Variants in HSD17B14 observed in about 807,000 individuals in gnomAD.
The protein encoded by HSD17B14 is hydroxysteroid 17-beta dehydrogenase 14.
Under a neutral mutation model 32.2 loss-of-function variants are expected in HSD17B14, and 32 were observed. The observed-to-expected ratio is 0.99, with a 90% confidence interval of 0.75 to 1.33. HSD17B14 has a LOEUF of 1.33. HSD17B14 is among the 40% of genes most tolerant of loss of function. HSD17B14 has a pLI of 0.00. For synonymous variants in HSD17B14, 140 were observed against 155.4 expected, an observed-to-expected ratio of 0.90 and a Z score of 0.74; for missense variants, 370 against 366.5, an observed-to-expected ratio of 1.01 and a Z score of -0.08.
In HSD17B14 at chr19:48,819,114, G is replaced by A. The variant is rs562229799; in HGVS notation, c.370-3973C>T. Among the ~76,000 whole-genome samples, 399 of 152,178 alleles carry A rather than the reference G, an allele frequency of 2.6e-3. 13 individuals carry two copies. The highest frequency in any genetic ancestry group is 7.9e-4 in the Non-Finnish European group (54 of 68,008). The stretch of plus-strand genomic sequence containing the variant: ...AGCAATTCTTCTGCCTCAGCCTCCC[G>A]AGTAGCTGGGATTACGGGCGCCTAC... On this transcript the variant is annotated intron_variant, in intron 5 of 8. Coordinates refer to ENST00000263278, the MANE Select transcript of HSD17B14 (RefSeq NM_016246.3).
rs1352133457 is a variant in HSD17B14 at position 48,816,826 on chromosome 19, T to TCTTTCTTTCTTTCTTTCTTTC, written c.370-1686_370-1685insGAAAGAAAGAAAGAAAGAAAG. Reference sequence around the variant, plus strand: ...TTCTTTCTTTCTTTCTTTCTTTCTTTTCTTTCTCTCTCTCTCTCTCTTTCT... The same window carrying TCTTTCTTTCTTTCTTTCTTTC: ...TTCTTTCTTTCTTTCTTTCTTTCTTTCTTTCTTTCTTTCTTTCTTTCTCTTTCTCTCTCTCTCTCTCTTTCT... On this transcript the variant is annotated intron_variant, in intron 5 of 8. Transcript: ENST00000263278. Among the ~76,000 whole-genome samples the TCTTTCTTTCTTTCTTTCTTTC allele has an allele frequency of 9.9e-3, 1,481 of 148,970 alleles. 57 individuals carry two copies. The highest frequency in any genetic ancestry group is 0.035 in the African/African-American group (1,375 of 39,722).
At chr19:48,820,683 G>A (rs967717112) in intron 5 of HSD17B14, among the ~76,000 whole-genome samples, 7 of 150,120 alleles carry the variant, frequency 4.7e-5, no homozygotes, top group Non-Finnish European at 7.4e-5. Context: ...CACCATGCCC[G>A]GCTAATTTTT....
chr19:48,821,623 C>A (rs1038979197), intron 5 of HSD17B14, among the ~76,000 whole-genome samples: 3 of 151,486 alleles, frequency 2.0e-5, no homozygotes, highest in Admixed American at 6.6e-5. Flanking sequence ...AAGAGAGCTT[C>A]TATGGGATTT....
At chr19:48,825,215 G>C (rs1599836020) in intron 5 of HSD17B14, among the ~76,000 whole-genome samples, 1 of 137,740 alleles carries the variant, frequency 7.3e-6, no homozygotes, top group Admixed American at 8.3e-5. Context: ...TCCAGCCTGG[G>C]CGATAGAGCG....
intron 4 of HSD17B14, among the ~76,000 whole-genome samples, chr19:48,831,999 A>T (rs1599842858): frequency 6.7e-6 from 1 of 148,516 alleles, no homozygotes; most frequent in Non-Finnish European, 1.5e-5. Context: ...AATTGCTTGA[A>T]CCTGGGAGGT....
intron 5 of HSD17B14, among the ~76,000 whole-genome samples, chr19:48,822,376 G>GA (rs2035171992): frequency 1.3e-5 from 2 of 150,262 alleles, no homozygotes; most frequent in African/African-American, 2.4e-5. Flanking sequence ...TGATGCTGAT[G>GA]TTGTTGATGG....
At chr19:48,826,545 AC>A in intron 5 of HSD17B14, among the ~76,000 whole-genome samples, 1 of 104,634 alleles carries the variant, frequency 9.6e-6, no homozygotes, top group African/African-American at 3.6e-5. Flanking sequence ...ATATATATAC[AC>A]ACACACACAC....
At chr19:48,823,423 T>C (rs2035191990) in intron 5 of HSD17B14, among the ~76,000 whole-genome samples, 1 of 151,792 alleles carries the variant, frequency 6.6e-6, no homozygotes, top group South Asian at 2.1e-4. Context: ...ATAATAATAA[T>C]AATAATGCTT....
chr19:48,826,883 ACCT>A (rs1320019989), intron 5 of HSD17B14, among the ~76,000 whole-genome samples: 1 of 150,954 alleles, frequency 6.6e-6, no homozygotes, highest in African/African-American at 2.4e-5. Flanking sequence ...CCAGAGCCCC[ACCT>A]CCACGATCTC....
chr19:48,834,004 C>G (rs2035398512), intron 3 of HSD17B14, among the ~76,000 whole-genome samples: 3 of 152,028 alleles, frequency 2.0e-5, no homozygotes, highest in Admixed American at 1.3e-4. Flanking sequence ...AAAATCAGTT[C>G]CAGTTGACCC....
At chr19:48,816,832 C>CTTTTCTT (rs1299846573) in intron 5 of HSD17B14, among the ~76,000 whole-genome samples, 1 of 41,272 alleles carries the variant, frequency 2.4e-5, no homozygotes. Flanking sequence ...TCTTTTCTTT[C>CTTTTCTT]TCTCTCTCTC....
At chr19:48,826,542 T>TATATAGAC in intron 5 of HSD17B14, among the ~76,000 whole-genome samples, 1 of 80,110 alleles carries the variant, frequency 1.2e-5, no homozygotes, top group African/African-American at 5.2e-5. Flanking sequence ...TATATATATA[T>TATATAGAC]ACACACACAC....
intron 5 of HSD17B14, among the ~76,000 whole-genome samples, chr19:48,828,937 C>G (rs911794097): frequency 6.6e-6 from 1 of 151,856 alleles, no homozygotes; most frequent in Non-Finnish European, 1.5e-5. Context: ...TGGTGAGTGC[C>G]TATAATCCCA....
At chr19:48,826,634 G>A (rs1312151169) in intron 5 of HSD17B14, among the ~76,000 whole-genome samples, 2 of 149,276 alleles carry the variant, frequency 1.3e-5, no homozygotes, top group Non-Finnish European at 3.0e-5. Flanking sequence ...GGTGTTTTTA[G>A]TGTTGGGTTA....
chr19:48,825,913 T>C (rs950594675), intron 5 of HSD17B14, among the ~76,000 whole-genome samples: 3 of 152,026 alleles, frequency 2.0e-5, no homozygotes, highest in South Asian at 2.1e-4. Context: ...CTCCGCCTCC[T>C]GGGTTCACGC....
rs764195371 is a variant in HSD17B14 at position 48,813,296 on chromosome 19, A to T, written c.692T>A (p.Leu231Gln). Residue 231 changes from leucine to glutamine, a missense_variant, in exon 9 of 9, where the codon CTG becomes CAG. Physicochemically the swap from Leu to Gln is moderately radical, Grantham distance 113 (BLOSUM62 -2). Coordinates refer to ENST00000263278, the MANE Select transcript of HSD17B14 (RefSeq NM_016246.3). ...PAEVGAAAVF[L>Q]ASEANFCTGI... ...CGTGCAGAAGTTGGCTTCGGAGGCCAGGAACACTGCCGCAGCCCCGACCTC... is the reference window on the plus strand; with the variant it reads ...CGTGCAGAAGTTGGCTTCGGAGGCCTGGAACACTGCCGCAGCCCCGACCTC... 1 of 1,601,628 alleles carries T rather than the reference A, an allele frequency of 6.2e-7. No homozygotes were observed. The highest frequency in any genetic ancestry group is 1.7e-5 in the Admixed American group (1 of 58,022).
At chr19:48,832,027 T>C (rs1006726611) in intron 4 of HSD17B14, among the ~76,000 whole-genome samples, 4 of 133,464 alleles carry the variant, frequency 3.0e-5, no homozygotes, top group African/African-American at 1.2e-4. Flanking sequence ...GCAGTGAGCC[T>C]AGATCGAGCC....
intron 5 of HSD17B14, among the ~76,000 whole-genome samples, chr19:48,818,623 G>GC (rs1430502435): frequency 6.6e-6 from 1 of 152,138 alleles, no homozygotes; most frequent in Non-Finnish European, 1.5e-5. Context: ...CACAGCTGGA[G>GC]CTCAGTAAAT....
Position 48,826,542 on chromosome 19 carries a change from T to TATATATATATACAC in HSD17B14, c.369+5125_369+5126insGTGTATATATATAT. Among the ~76,000 whole-genome samples the TATATATATATACAC allele has an allele frequency of 1.1e-3, 88 of 80,096 alleles. 1 individual carries two copies. Among genetic ancestry groups the TATATATATATACAC allele is most frequent in the African/African-American group, 4.2e-3 (81 of 19,076 alleles). The allele number at this position is 80,096 out of a possible 152,430, so 52.5% of individuals were successfully genotyped here. A position where few individuals can be genotyped will look rare whatever the true frequency, so the allele number is the denominator to read the frequency against. On this transcript the variant is annotated intron_variant, in intron 5 of 8. Transcript: ENST00000263278. The stretch of plus-strand genomic sequence containing the variant: ...GAAAAGAAGAAAATATATATATATA[T>TATATATATATACAC]ACACACACACACACACACACACACA...
Sources: gnomAD v4.1 joint callset for allele counts (sites outside exome capture counted in the v4.1 genomes callset) on GRCh38, gnomAD v4.1.1 for gene constraint, MANE v1.5 for transcripts, NCBI Gene and HGNC (gene_info 2026-07-23, HGNC 2026-07-21) for gene names.